Variants in ARAF observed in about 807,000 individuals in gnomAD.
ARAF encodes serine/threonine-protein kinase A-Raf.
Under a neutral mutation model 48.0 loss-of-function variants are expected in ARAF, and 18 were observed. That is an observed-to-expected ratio of 0.37 (90% confidence interval 0.26 to 0.56). ARAF has a LOEUF of 0.56. Ranked by LOEUF, ARAF falls within the 20% of genes least tolerant of loss-of-function variation. The pLI is 0.77. For synonymous variants in ARAF, 207 were observed against 220.1 expected, an observed-to-expected ratio of 0.94 and a Z score of 0.53; for missense variants, 389 against 543.1, an observed-to-expected ratio of 0.72 and a Z score of 2.82.
intron 14 of ARAF, among the ~76,000 whole-genome samples, chrX:47,570,665 CTA>C (rs1314202776): frequency 9.0e-6 from 1 of 111,300 alleles, no homozygotes; most frequent in Non-Finnish European, 1.9e-5. Context: ...CCCCAGATAC[CTA>C]CAATCCTTGA....
chrX:47,569,567 G>A lies in ARAF; in HGVS notation c.1329G>A (p.Val443=). ...NNIFLHEGLT[V]KIGDFGLATV... The stretch of plus-strand genomic sequence containing the variant: ...TCTTCCTACATGAGGGGCTCACGGT[G>A]AAGATCGGTGACTTTGGCTTGGCCA... The change falls in exon 13 of 16, where the codon GTG becomes GTA. Residue 443 remains valine (V), a synonymous_variant. Transcript: ENST00000377045. 1 of 1,209,141 alleles carries A rather than the reference G, an allele frequency of 8.3e-7. No homozygotes were observed. Among genetic ancestry groups the A allele is most frequent in the Non-Finnish European group, 1.1e-6 (1 of 894,071 alleles).
chrX:47,567,587 C>G (rs1161028644), intron 10 of ARAF, among the ~76,000 whole-genome samples, 155 bp downstream of exon 10: 1 of 111,900 alleles, frequency 8.9e-6, no homozygotes, highest in Non-Finnish European at 1.9e-5. Context: ...TGTCCCTTTC[C>G]CCTCTGGGAA....
In ARAF at chrX:47,570,798, A is replaced by T. The variant is rs979686104; in HGVS notation, c.1552-80A>T. The stretch of plus-strand genomic sequence containing the variant: ...CCAGCTCGCTAAAAATGAACCTTCC[A>T]AGTCCCTCAATACAAAATTCCTTGG... On this transcript the variant is annotated intron_variant, in intron 14 of 15. Coordinates refer to ENST00000377045, the MANE Select transcript of ARAF (RefSeq NM_001654.5). The T allele has an allele frequency of 4.8e-6, 5 of 1,034,994 alleles. No individual in the cohort carries two copies. In the African/African-American group the frequency reaches 9.4e-5, roughly 19 times the overall value. The allele number at this position is 1,034,994 out of a possible 1,213,427, so 85.3% of individuals were successfully genotyped here.
Position 47,571,548 on chromosome X carries a change from G to A in ARAF, c.*91G>A. 9.3e-7 allele frequency: 1 copy of A among 1,074,905 alleles called. No individual in the cohort carries two copies. Among genetic ancestry groups the A allele is most frequent in the Non-Finnish European group, 1.2e-6 (1 of 817,747 alleles). 88.6% of individuals were successfully genotyped at this position (1,074,905 alleles called of 1,213,427 possible). On this transcript the variant is annotated 3_prime_UTR_variant, in exon 16 of 16. Transcript: ENST00000377045. ...AATCAATGTTCGTCTCTGCCCTGAT[G>A]CTGCCTCAGGATCCCCCATTCCCCA...
chrX:47,569,768 C>A lies in ARAF; in HGVS notation c.1419+111C>A, dbSNP rs1441193361. 4.6e-6 allele frequency: 5 copies of A among 1,093,515 alleles called. No individual in the cohort carries two copies. In the African/African-American group the frequency reaches 7.2e-5, roughly 16 times the overall value. The allele number at this position is 1,093,515 out of a possible 1,213,427, so 90.1% of individuals were successfully genotyped here. On this transcript the variant is annotated intron_variant, in intron 13 of 15. Transcript: ENST00000377045. Reference sequence around the variant, plus strand: ...CCTGTGCCAGATGTGGGTGTCTGGACTCCTCATGTCCCACCTCGTGTGGGT... The same window carrying A: ...CCTGTGCCAGATGTGGGTGTCTGGAATCCTCATGTCCCACCTCGTGTGGGT...
intron 6 of ARAF, chrX:47,565,610 T>C: frequency 3.2e-6 from 1 of 310,797 alleles, no homozygotes; most frequent in Non-Finnish European, 5.4e-6. Context: ...TTAAGACATG[T>C]TCAGTGCCTA....
chrX:47,569,585 C>G lies in ARAF; in HGVS notation c.1347C>G (p.Gly449=), dbSNP rs1175149304. 8.3e-7 allele frequency: 1 copy of G among 1,209,634 alleles called. No homozygotes were observed. Among genetic ancestry groups the G allele is most frequent in the Non-Finnish European group, 1.1e-6 (1 of 894,423 alleles). Residue 449 remains glycine, a synonymous_variant, in exon 13 of 16, where the codon GGC becomes GGG. Coordinates refer to ENST00000377045, the MANE Select transcript of ARAF (RefSeq NM_001654.5). Reference sequence around the variant, plus strand: ...TCACGGTGAAGATCGGTGACTTTGGCTTGGCCACAGTGAAGACTCGATGGA... The same window carrying G: ...TCACGGTGAAGATCGGTGACTTTGGGTTGGCCACAGTGAAGACTCGATGGA... ...EGLTVKIGDF[G]LATVKTRWSG... is the part of the protein sequence containing the mutation.
chrX:47,565,961 G>C (rs1244571062), intron 6 of ARAF: 2 of 150,228 alleles, frequency 1.3e-5, no homozygotes, highest in Non-Finnish European at 2.2e-5. Flanking sequence ...AATAAAGTTA[G>C]GGTATTATTT....
intron 1 of ARAF, 58 bp from the exon 2 acceptor site, chrX:47,562,851 C>A: frequency 1.8e-6 from 1 of 569,531 alleles, no homozygotes; most frequent in Non-Finnish European, 2.8e-6. Context: ...TGTCCCCTGC[C>A]ACTTTGCTTC....
chrX:47,571,115 G>C, intron 15 of ARAF, 103 bp downstream of exon 15: 2 of 812,789 alleles, frequency 2.5e-6, no homozygotes, highest in Non-Finnish European at 3.3e-6. Context: ...GGTATAGTGT[G>C]TGTGTGTGTG....
In ARAF at chrX:47,571,757, G is replaced by A; in HGVS notation, c.*300G>A. The A allele has an allele frequency of 3.4e-6, 1 of 292,555 alleles. No individual in the cohort carries two copies. The highest frequency in any genetic ancestry group is 5.9e-6 in the Non-Finnish European group (1 of 168,619). The allele number at this position is 292,555 out of a possible 1,213,427, so 24.1% of individuals were successfully genotyped here. A position where few individuals can be genotyped will look rare whatever the true frequency, so the allele number is the denominator to read the frequency against. On this transcript the variant is annotated 3_prime_UTR_variant, in exon 16 of 16. Transcript: ENST00000377045. ...GGATTTGTGGCAGGGATTCCACTCA[G>A]AACCTCTCTGGAATTTGTGCCTGAT...
rs1465946633 is a variant in ARAF, at chrX:47,571,734, A to G, written c.*277A>G. 9 of 329,661 alleles carry G rather than the reference A, an allele frequency of 2.7e-5. No individual in the cohort carries two copies. The highest frequency in any genetic ancestry group is 3.1e-5 in the Non-Finnish European group (6 of 192,049). 27.2% of individuals were successfully genotyped at this position (329,661 alleles called of 1,213,427 possible). A position where few individuals can be genotyped will look rare whatever the true frequency, so the allele number is the denominator to read the frequency against. On this transcript the variant is annotated 3_prime_UTR_variant, in exon 16 of 16. Coordinates refer to ENST00000377045, the MANE Select transcript of ARAF (RefSeq NM_001654.5). Reference sequence around the variant, plus strand: ...AGCTCCTCCATCTCCAATGGCTGGGATTTGTGGCAGGGATTCCACTCAGAA... The same window carrying G: ...AGCTCCTCCATCTCCAATGGCTGGGGTTTGTGGCAGGGATTCCACTCAGAA...
chrX:47,571,210 T>TGG (rs1161426820), intron 15 of ARAF, 113 bp from the exon 16 acceptor site: 116 of 794,447 alleles, frequency 1.5e-4, no homozygotes, highest in Middle Eastern at 7.3e-4. Flanking sequence ...CTGGGACTGT[T>TGG]GGGTGTGTGT....
chrX:47,566,553 A>G, intron 6 of ARAF, 86 bp from the exon 7 acceptor site: 1 of 984,741 alleles, frequency 1.0e-6, no homozygotes, highest in Non-Finnish European at 1.4e-6. Context: ...TGTGAGCCAA[A>G]TGCATGTTTA....
chrX:47,569,909 G>T lies in ARAF; in HGVS notation c.1436G>T (p.Arg479Leu), dbSNP rs11551158. The T allele has an allele frequency of 8.3e-7, 1 of 1,204,856 alleles. No homozygotes were observed. Among genetic ancestry groups the T allele is most frequent in the African/African-American group, 1.8e-5 (1 of 56,553 alleles). ...SVLWMAAEVI[R>L]MQDPNPYSFQ... The stretch of plus-strand genomic sequence containing the variant: ...CTGTTGTAGGCAGCTGAGGTGATCC[G>T]TATGCAGGACCCGAACCCCTACAGC... Residue 479 changes from arginine to leucine, a missense_variant, in exon 14 of 16, where the codon CGT becomes CTT. Transcript: ENST00000377045.
chrX:47,562,384 C>T (rs995584720), intron 1 of ARAF, among the ~76,000 whole-genome samples: 3 of 106,985 alleles, frequency 2.8e-5, no homozygotes, highest in African/African-American at 1.0e-4. Context: ...ACTCAGGAGG[C>T]TGAGGCGGGA....
Position 47,566,692 on chromosome X carries a change from A to G in ARAF, c.611A>G (p.Asn204Ser). The G allele has an allele frequency of 8.3e-7, 1 of 1,197,735 alleles. No homozygotes were observed. Among genetic ancestry groups the G allele is most frequent in the African/African-American group, 1.7e-5 (1 of 57,332 alleles). The change falls in exon 7 of 16, where the codon AAT becomes AGT. Residue 204 changes from asparagine (N) to serine (S), a missense_variant. By Grantham distance (46) the Asn-to-Ser change is conservative. This residue lies in a region of ARAF where 154 missense variants were observed against 133.6 expected (regional missense o/e 1.15). Transcript: ENST00000377045. ...PEHFPFPAPA[N>S]APLQRIRSTS... The stretch of plus-strand genomic sequence containing the variant: ...CACTTCCCCTTCCCTGCCCCAGCCA[A>G]TGCCCCCCTACAGCGCATCCGCTCC...
chrX:47,567,502 G>A (rs941962977), intron 10 of ARAF, 70 bp downstream of exon 10: 4 of 1,052,530 alleles, frequency 3.8e-6, no homozygotes, highest in East Asian at 3.3e-5. Context: ...AAAAGGCCAT[G>A]CTTGGAGTGC....
Position 47,571,382 on chromosome X carries a change from G to A in ARAF, c.1746G>A (p.Ser582=), listed in dbSNP as rs905792014. 9 of 1,208,554 alleles carry A rather than the reference G, an allele frequency of 7.4e-6. No individual in the cohort carries two copies. Among genetic ancestry groups the A allele is most frequent in the Non-Finnish European group, 1.0e-5 (9 of 894,602 alleles). Residue 582 remains serine (S), a synonymous_variant, in exon 16 of 16, where the codon TCG becomes TCA. Coordinates refer to ENST00000377045, the MANE Select transcript of ARAF (RefSeq NM_001654.5). ...RSLPKIERSA[S]EPSLHRTQAD... ...TCCCCAAGATTGAGCGGAGTGCCTC[G>A]GAACCCTCCTTGCACCGCACCCAGG...
Sources: gnomAD v4.1 joint callset for allele counts (sites outside exome capture counted in the v4.1 genomes callset) on GRCh38, gnomAD v4.1.1 for gene constraint, gnomAD v4.1.1 regional missense constraint, MANE v1.5 for transcripts, NCBI Gene and HGNC (gene_info 2026-07-23, HGNC 2026-07-21) for gene names.